Variants in GALNT18 observed in about 807,000 individuals in gnomAD.
The protein encoded by GALNT18 is GalNAc-transferase 18.
Under a neutral mutation model 69.5 loss-of-function variants are expected in GALNT18, and 44 were observed. The ratio of observed to expected loss-of-function variants is 0.63; its 90% CI spans 0.50 to 0.81. The LOEUF is 0.81. Among genes scored for constraint, GALNT18 ranks in the 40% least tolerant of loss-of-function variants. The pLI is 0.00. For synonymous variants in GALNT18, 364 were observed against 318.2 expected (o/e 1.14, Z -1.53); for missense variants, 715 against 810.0 (o/e 0.88, Z 1.42).
In GALNT18 at chr11:11,372,717, G is replaced by T; in HGVS notation, c.978-88C>A. ...AAGGCCTTCCTATCAGGAGGGTCTG[G>T]TTCTCTTCCTTCCTTTGCTGCCAGA... On this transcript the variant is annotated intron_variant, in intron 5 of 10. Transcript: ENST00000227756. This position sits in a 1 kb window ranked among gnomAD's most constrained non-coding sequence, Gnocchi z 4.9. 9.9e-7 allele frequency: 1 copy of T among 1,013,640 alleles called. No individual in the cohort carries two copies. Among genetic ancestry groups the T allele is most frequent in the Non-Finnish European group, 1.5e-6 (1 of 661,872 alleles). The allele number at this position is 1,013,640 out of a possible 1,614,324, so 62.8% of individuals were successfully genotyped here.
At position 11,369,295 on chromosome 11, in the gene GALNT18, C is replaced by T. The variant is rs529251899; in HGVS notation, c.1092+3220G>A. On this transcript the variant is annotated intron_variant, in intron 6 of 10. Transcript: ENST00000227756. ...GTCTGAAATCAACATATTGACTGGG[C>T]TATGTTCCCTCCCAACCCTCTAGGG... is the stretch of plus-strand genomic sequence containing the variant. 2.0e-4 allele frequency among the ~76,000 whole-genome samples: 31 copies of T among 152,294 alleles called. No homozygotes were observed. The South Asian group carries it at 6.0e-3, about 30-fold the overall frequency.
At chr11:11,594,079 G>A (rs1859428359) in intron 1 of GALNT18, among the ~76,000 whole-genome samples, 1 of 152,220 alleles carries the variant, frequency 6.6e-6, no homozygotes, top group Non-Finnish European at 1.5e-5. Flanking sequence ...CTCTGTGTAT[G>A]TGCATTTGTG....
chr11:11,354,099 T>G (rs1407188522), intron 6 of GALNT18, among the ~76,000 whole-genome samples: 1 of 152,224 alleles, frequency 6.6e-6, no homozygotes. Context: ...AACACTGGTA[T>G]GCTACATCTT....
intron 9 of GALNT18, among the ~76,000 whole-genome samples, chr11:11,293,974 TTTTC>T (rs1436530977): frequency 1.3e-5 from 2 of 152,138 alleles, no homozygotes; most frequent in African/African-American, 4.8e-5. Context: ...GTGGCCAACT[TTTTC>T]TTAAAGGTCA....
chr11:11,600,530 C>CT lies in GALNT18; in HGVS notation c.235+20828dup, dbSNP rs1282272999. On this transcript the variant is annotated intron_variant, in intron 1 of 10. Coordinates refer to ENST00000227756, the MANE Select transcript of GALNT18 (RefSeq NM_198516.3). The surrounding 1 kb of genome is among the most constrained non-coding windows in gnomAD (Gnocchi z 4.8). ...CAGCTGCTAATCTTATCAGTATTCT[C>CT]TTGTAGGTGATAAGTGGTCTTTCTG... Among the ~76,000 whole-genome samples the CT allele has an allele frequency of 6.6e-6, 1 of 151,980 alleles. No individual in the cohort carries two copies. Among genetic ancestry groups the CT allele is most frequent in the Non-Finnish European group, 1.5e-5 (1 of 67,928 alleles).
intron 1 of GALNT18, among the ~76,000 whole-genome samples, chr11:11,570,502 A>G (rs971855462): frequency 6.6e-6 from 1 of 152,146 alleles, no homozygotes; most frequent in Admixed American, 6.5e-5. Context: ...ACACCATAAC[A>G]TACTTTCTTT....
intron 6 of GALNT18, among the ~76,000 whole-genome samples, chr11:11,349,985 C>G (rs1052517135): frequency 6.6e-6 from 1 of 152,144 alleles, no homozygotes. Context: ...GGGGTCTGAA[C>G]ATTTGGGTTA....
intron 2 of GALNT18, among the ~76,000 whole-genome samples, chr11:11,447,157 C>T (rs1418441384): frequency 6.6e-6 from 1 of 152,232 alleles, no homozygotes; most frequent in Non-Finnish European, 1.5e-5. Flanking sequence ...ACGTGCCATG[C>T]GTGCTTCTGC....
At chr11:11,611,216 G>C (rs1333706459) in intron 1 of GALNT18, among the ~76,000 whole-genome samples, 2 of 152,070 alleles carry the variant, frequency 1.3e-5, no homozygotes, top group Non-Finnish European at 2.9e-5. Context: ...CTACTGTTTT[G>C]GGCAAATAAA....
Position 11,587,723 on chromosome 11 carries a change from C to G in GALNT18, c.235+33636G>C. ...AGGAAAATTAACAGGCAACATTTCC[C>G]CTTGACTTCCCCTGGTAGGTGATCA... On this transcript the variant is annotated intron_variant, in intron 1 of 10. Transcript: ENST00000227756. This position sits in a 1 kb window ranked among gnomAD's most constrained non-coding sequence, Gnocchi z 4.4. Among the ~76,000 whole-genome samples the G allele has an allele frequency of 6.6e-6, 1 of 152,118 alleles. No individual in the cohort carries two copies. Among genetic ancestry groups the G allele is most frequent in the South Asian group, 2.1e-4 (1 of 4,820 alleles).
In GALNT18 at chr11:11,523,311, C is replaced by T. The variant is rs1024285061; in HGVS notation, c.236-74375G>A. On this transcript the variant is annotated intron_variant, in intron 1 of 10. Coordinates refer to ENST00000227756, the MANE Select transcript of GALNT18 (RefSeq NM_198516.3). The surrounding 1 kb of genome is among the most constrained non-coding windows in gnomAD (Gnocchi z 4.3). ...GCTGTTTGAGGCAAATCTTGTCACT[C>T]TCACAGGTGAGGACAATGTCACAGG... is the stretch of plus-strand genomic sequence containing the variant. Among the ~76,000 whole-genome samples, 42 of 152,166 alleles carry T rather than the reference C, an allele frequency of 2.8e-4. No individual in the cohort carries two copies. Among genetic ancestry groups the T allele is most frequent in the Admixed American group, 2.7e-3 (42 of 15,276 alleles).
chr11:11,327,998 T>C (rs776216622), intron 8 of GALNT18, among the ~76,000 whole-genome samples: 6 of 152,076 alleles, frequency 3.9e-5, no homozygotes, highest in Non-Finnish European at 5.9e-5. Context: ...TATCCTGTCT[T>C]AGGAACCTAA....
At chr11:11,360,565 T>G (rs1850623098) in intron 6 of GALNT18, among the ~76,000 whole-genome samples, 1 of 152,334 alleles carries the variant, frequency 6.6e-6, no homozygotes, top group East Asian at 1.9e-4. Flanking sequence ...GTTAACACTT[T>G]TTTGCATTGA....
Position 11,448,763 on chromosome 11 carries a change from G to T in GALNT18, c.409C>A (p.Pro137Thr), listed in dbSNP as rs1251023958. The change falls in exon 2 of 11, where the codon CCT (proline) becomes ACT (threonine). Residue 137 changes from proline to threonine, a missense_variant. By Grantham distance (38) the Pro-to-Thr change is conservative. Transcript: ENST00000227756. ...SDRLPLDRPL[P>T]DLRPSGCRNL... ...GCTCACCCACTGGGTCTGAGGTCAGGCAGGGGCCGGTCCAGGGGCAGGCGG... is the reference window on the plus strand; with the variant it reads ...GCTCACCCACTGGGTCTGAGGTCAGTCAGGGGCCGGTCCAGGGGCAGGCGG... 6.2e-7 allele frequency: 1 copy of T among 1,612,180 alleles called. No individual in the cohort carries two copies. The highest frequency in any genetic ancestry group is 8.5e-7 in the Non-Finnish European group (1 of 1,179,342).
intron 5 of GALNT18, among the ~76,000 whole-genome samples, chr11:11,374,900 C>T (rs1379781203): frequency 6.6e-6 from 1 of 152,190 alleles, no homozygotes. Context: ...TCCTGTTGGT[C>T]AAAGTGGAAA....
In GALNT18 at chr11:11,452,463, C is replaced by T. The variant is rs969879778; in HGVS notation, c.236-3527G>A. ...GCCCGCACAAAGCCCACAGCCCTAT[C>T]GGGCCGCCGGAGTTGGGACAGGAAG... On this transcript the variant is annotated intron_variant, in intron 1 of 10. Coordinates refer to ENST00000227756, the MANE Select transcript of GALNT18 (RefSeq NM_198516.3). Among the ~76,000 whole-genome samples the T allele has an allele frequency of 2.2e-4, 34 of 152,338 alleles. 2 individuals carry two copies. The East Asian group carries it at 6.2e-3, about 28-fold the overall frequency.
At chr11:11,419,394 C>G (rs888355050) in intron 3 of GALNT18, among the ~76,000 whole-genome samples, 1 of 151,692 alleles carries the variant, frequency 6.6e-6, no homozygotes, top group African/African-American at 2.4e-5. Context: ...GTCAGGAGTT[C>G]AAGACCAGCC....
chr11:11,328,661 A>T (rs946016193), intron 8 of GALNT18, among the ~76,000 whole-genome samples: 4 of 152,200 alleles, frequency 2.6e-5, no homozygotes, highest in Admixed American at 2.0e-4. Flanking sequence ...GAAATATTGC[A>T]TGAATGTGTG....
chr11:11,572,077 G>C (rs572797039), intron 1 of GALNT18, among the ~76,000 whole-genome samples: 99 of 152,360 alleles, frequency 6.5e-4, no homozygotes, highest in African/African-American at 2.2e-3. Flanking sequence ...ACAGGACTCT[G>C]TATTTTCCTG....
Sources: allele counts gnomAD v4.1 joint callset (sites outside exome capture counted in the v4.1 genomes callset), GRCh38; gene constraint gnomAD v4.1.1; non-coding constraint Gnocchi (gnomAD v3.1); transcripts MANE v1.5; gene names NCBI Gene and HGNC (gene_info 2026-07-23, HGNC 2026-07-21).